NSUN6: variants seen among roughly 807,000 people sequenced by gnomAD.
NSUN6 encodes tRNA (cytosine(72)-C(5))-methyltransferase NSUN6.
A neutral mutation model predicts 58.0 loss-of-function variants in NSUN6; 64 were observed. The observed-to-expected ratio is 1.10, with a 90% CI of 0.90 to 1.36. NSUN6 has a LOEUF of 1.36. Among genes scored for constraint, NSUN6 ranks in the 40% most tolerant of loss-of-function variants. The pLI is 0.00. For synonymous variants in NSUN6, 231 were observed against 193.9 expected (o/e 1.19, Z -1.59); for missense variants, 701 against 550.1 (o/e 1.27, Z -2.74).
chr10:18,587,815 A>G (rs2131135022), intron 7 of NSUN6, among the ~76,000 whole-genome samples: 2 of 151,566 alleles, frequency 1.3e-5, no homozygotes, highest in East Asian at 1.9e-4. Flanking sequence ...GAGCCTACAC[A>G]TGGGCCCTGG....
chr10:18,587,549 T>C (rs995275509), intron 7 of NSUN6, among the ~76,000 whole-genome samples: 63 of 151,508 alleles, frequency 4.2e-4, no homozygotes, highest in Non-Finnish European at 3.1e-4. Context: ...GCGAGACCAA[T>C]GCAGAACGTG....
At chr10:18,625,585 C>T (rs954829144) in intron 3 of NSUN6, among the ~76,000 whole-genome samples, 11 of 151,834 alleles carry the variant, frequency 7.2e-5, no homozygotes, top group African/African-American at 2.2e-4. Context: ...TGGTGGTGGG[C>T]ACCTGTAATC....
chr10:18,626,724 G>A (rs1040525495), intron 3 of NSUN6, among the ~76,000 whole-genome samples: 2 of 152,192 alleles, frequency 1.3e-5, no homozygotes, highest in African/African-American at 2.4e-5. Context: ...CCGAGATCGT[G>A]CCATTGCACT....
At chr10:18,591,237 G>A (rs895437335) in intron 7 of NSUN6, among the ~76,000 whole-genome samples, 3 of 151,944 alleles carry the variant, frequency 2.0e-5, no homozygotes, top group South Asian at 2.1e-4. Flanking sequence ...AAATTGAGGC[G>A]GTAATAGCCT....
At chr10:18,600,550 G>A (rs1381440899) in intron 6 of NSUN6, among the ~76,000 whole-genome samples, 1 of 151,904 alleles carries the variant, frequency 6.6e-6, no homozygotes, top group African/African-American at 2.4e-5. Flanking sequence ...ACTTGAGCCT[G>A]GAAGATCAAG....
chr10:18,572,180 C>A (rs534658783), intron 8 of NSUN6, among the ~76,000 whole-genome samples: 2 of 151,724 alleles, frequency 1.3e-5, no homozygotes, highest in South Asian at 4.2e-4. Flanking sequence ...ATTCTCCATT[C>A]CATTCTATTG....
At chr10:18,556,780 G>C (rs1427252072) in intron 8 of NSUN6, among the ~76,000 whole-genome samples, 1 of 150,708 alleles carries the variant, frequency 6.6e-6, no homozygotes, top group African/African-American at 2.4e-5. Context: ...GGAATGGAAG[G>C]TAGAATGGAA....
intron 8 of NSUN6, among the ~76,000 whole-genome samples, chr10:18,564,454 T>A (rs553451469): frequency 6.7e-6 from 1 of 148,962 alleles, no homozygotes; most frequent in African/African-American, 2.5e-5. Context: ...ATTCCATTCA[T>A]ACCCATTCTC....
chr10:18,556,875 G>A lies in NSUN6; in HGVS notation c.923-4904C>T, dbSNP rs182882788. ...AATGGAGGAAGGAAGGGAATGGAAT[G>A]GAGAAAGGAAGGGAATGGAATGGAA... On this transcript the variant is annotated intron_variant, in intron 8 of 10. Coordinates refer to ENST00000377304, the MANE Select transcript of NSUN6 (RefSeq NM_182543.5). Among the ~76,000 whole-genome samples, 60 of 149,610 alleles carry A rather than the reference G, an allele frequency of 4.0e-4. 2 individuals are homozygous for A. Among genetic ancestry groups the A allele is most frequent in the Admixed American group, 3.5e-3 (53 of 15,000 alleles).
At position 18,651,443 on chromosome 10, in the gene NSUN6, G is replaced by A; in HGVS notation, c.-240C>T. The A allele has an allele frequency of 1.7e-6, 2 of 1,211,162 alleles. No homozygotes were observed. The highest frequency in any genetic ancestry group is 2.1e-6 in the Non-Finnish European group (2 of 973,734). The allele number at this position is 1,211,162 out of a possible 1,614,324, so 75.0% of individuals were successfully genotyped here. On this transcript the variant is annotated 5_prime_UTR_variant, in exon 1 of 11. Transcript: ENST00000377304. Reference sequence around the variant, plus strand: ...CGAGGCAATGTTTTCTGGTAGAGATGCTCATGGAAATCACTGAGCCAATGC... The same window carrying A: ...CGAGGCAATGTTTTCTGGTAGAGATACTCATGGAAATCACTGAGCCAATGC...
intron 8 of NSUN6, among the ~76,000 whole-genome samples, chr10:18,555,546 GGAATGGAATAGA>G (rs1340576908): frequency 6.6e-5 from 10 of 150,398 alleles, no homozygotes; most frequent in Non-Finnish European, 7.4e-5. Context: ...AAGGCAGCAT[GGAATGGAATAGA>G]GAATGGAATG....
chr10:18,563,052 G>T (rs1029325429), intron 8 of NSUN6, among the ~76,000 whole-genome samples: 6 of 150,098 alleles, frequency 4.0e-5, no homozygotes, highest in Admixed American at 3.3e-4. Flanking sequence ...ATGGAATGGA[G>T]AATTGATTGG....
chr10:18,620,819 C>T (rs2131386759), intron 3 of NSUN6, among the ~76,000 whole-genome samples: 1 of 152,308 alleles, frequency 6.6e-6, no homozygotes, highest in African/African-American at 2.4e-5. Context: ...AGAACTATGT[C>T]TCATTCATCT....
At chr10:18,573,905 T>C (rs557962876) in intron 8 of NSUN6, among the ~76,000 whole-genome samples, 1 of 152,236 alleles carries the variant, frequency 6.6e-6, no homozygotes, top group African/African-American at 2.4e-5. Flanking sequence ...GATTGACTCA[T>C]ATGCACTGCA....
At chr10:18,610,890 T>C (rs1192306886) in intron 5 of NSUN6, among the ~76,000 whole-genome samples, 2 of 152,002 alleles carry the variant, frequency 1.3e-5, no homozygotes, top group Non-Finnish European at 2.9e-5. Flanking sequence ...AAGTATAGTC[T>C]CATTAAAAGG....
At chr10:18,642,614 G>A (rs1340223356) in intron 2 of NSUN6, 59 bp from the exon 3 acceptor site, 78 of 860,358 alleles carry the variant, frequency 9.1e-5, no homozygotes, top group Non-Finnish European at 1.4e-4. Context: ...TTCAACTTAT[G>A]GAACTTTTCA....
intron 7 of NSUN6, among the ~76,000 whole-genome samples, chr10:18,590,162 A>G (rs966305445): frequency 2.6e-5 from 4 of 152,182 alleles, no homozygotes; most frequent in African/African-American, 9.6e-5. Flanking sequence ...AAGACAAAGA[A>G]GGGCATTACA....
chr10:18,637,834 A>G (rs1206485565), intron 3 of NSUN6, among the ~76,000 whole-genome samples: 2 of 152,270 alleles, frequency 1.3e-5, no homozygotes, highest in African/African-American at 4.8e-5. Context: ...TATCCATTAT[A>G]TATTTTTAAG....
At chr10:18,605,093 G>C (rs1348160693) in intron 6 of NSUN6, among the ~76,000 whole-genome samples, 1 of 151,260 alleles carries the variant, frequency 6.6e-6, no homozygotes, top group African/African-American at 2.4e-5. Flanking sequence ...CACCGTGTTA[G>C]CCAGGATGGT....
Sources: allele counts gnomAD v4.1 joint callset (sites outside exome capture counted in the v4.1 genomes callset), GRCh38; gene constraint gnomAD v4.1.1; transcripts MANE v1.5; gene names NCBI Gene and HGNC (gene_info 2026-07-23, HGNC 2026-07-21).